Variants in VAMP8 observed in about 807,000 individuals in gnomAD.
The protein encoded by VAMP8 is vesicle-associated membrane protein 8.
A neutral mutation model predicts 11.4 loss-of-function variants in VAMP8; 9 were observed. The observed-to-expected ratio is 0.79, with a 90% CI of 0.48 to 1.38. The LOEUF is 1.38. Among genes scored for constraint, VAMP8 ranks in the 40% most tolerant of loss-of-function variants. The probability of loss-of-function intolerance (pLI) is 0.00; values close to 1 mark genes in which losing one functional copy is unlikely to be tolerated. For missense variants in VAMP8, 108 were observed against 127.8 expected (o/e 0.85, Z 0.75); for synonymous variants, 42 against 44.7 (o/e 0.94, Z 0.24).
rs1244242271 is a variant in VAMP8, at chr2:85,579,145, A to G, written c.140A>G (p.Lys47Arg). ...RGENLEHLRNKTEDLEATSEH... is the reference protein window; with the variant it reads ...RGENLEHLRNRTEDLEATSEH... ...GAAAACTTGGAACATCTCCGCAACA[A>G]GACAGAGGATCTGGAAGCCACAGTG... Residue 47 changes from lysine to arginine, a missense_variant, in exon 2 of 3, where the codon AAG becomes AGG. Lys to Arg is a conservative substitution (Grantham distance 26). Coordinates refer to ENST00000263864, the MANE Select transcript of VAMP8 (RefSeq NM_003761.5). 4 of 1,602,254 alleles carry G rather than the reference A, an allele frequency of 2.5e-6. No homozygotes were observed. Among genetic ancestry groups the G allele is most frequent in the African/African-American group, 1.3e-5 (1 of 74,754 alleles).
Position 85,581,785 on chromosome 2 carries a change from G to T in VAMP8, c.*69G>T, listed in dbSNP as rs1248355940. ...CCCTCCATAAATGTGTGCCAAGAGG[G>T]TCTCCTTTCCTGTCTTCCTCTACAG... On this transcript the variant is annotated 3_prime_UTR_variant, in exon 3 of 3. Transcript: ENST00000263864. 3 of 1,593,252 alleles carry T rather than the reference G, an allele frequency of 1.9e-6. No homozygotes were observed. The highest frequency in any genetic ancestry group is 2.3e-5 in the South Asian group (2 of 88,494).
intron 1 of VAMP8, among the ~76,000 whole-genome samples, chr2:85,578,366 T>TA (rs575266181): frequency 3.2e-4 from 49 of 152,286 alleles, no homozygotes; most frequent in African/African-American, 1.1e-3. Flanking sequence ...AATATCTGCA[T>TA]AAGCAGGCGG....
At position 85,581,710 on chromosome 2, in the gene VAMP8, C is replaced by T; in HGVS notation, c.297C>T (p.Phe99=). 6.2e-7 allele frequency: 1 copy of T among 1,614,158 alleles called. No homozygotes were observed. Among genetic ancestry groups the T allele is most frequent in the Middle Eastern group, 1.6e-4 (1 of 6,062 alleles). Reference sequence around the variant, plus strand: ...TTGTGCTCTTTGCCACTGGTGCCTTCTCTTAAGTAACAGGGAACCTCTCCC... The same window carrying T: ...TTGTGCTCTTTGCCACTGGTGCCTTTTCTTAAGTAACAGGGAACCTCTCCC... ...LFIVLFATGA[F]S is the part of the protein sequence containing the mutation. Residue 99 remains phenylalanine, a synonymous_variant, in exon 3 of 3, where the codon TTC becomes TTT. Coordinates refer to ENST00000263864, the MANE Select transcript of VAMP8 (RefSeq NM_003761.5).
intron 1 of VAMP8, among the ~76,000 whole-genome samples, chr2:85,577,879 G>C (rs1281746725): frequency 2.0e-5 from 3 of 152,144 alleles, no homozygotes; most frequent in African/African-American, 4.8e-5. Flanking sequence ...TGCTGGTGGG[G>C]AGCTGGGCTT....
chr2:85,580,219 TG>T (rs1672346903), intron 2 of VAMP8, among the ~76,000 whole-genome samples: 1 of 152,172 alleles, frequency 6.6e-6, no homozygotes, highest in African/African-American at 2.4e-5. Context: ...CTCAAAGTGC[TG>T]GGATTACAGA....
Position 85,581,623 on chromosome 2 carries a change from G to C in VAMP8, c.210G>C (p.Trp70Cys), listed in dbSNP as rs143955435. ...TTSQKVARKFWWKNVKMIVLI... is the reference protein window; with the variant it reads ...TTSQKVARKFCWKNVKMIVLI... ...CGCAGAAGGTGGCTCGAAAATTCTG[G>C]TGGAAGAACGTGAAGATGATTGTCC... Residue 70 changes from tryptophan to cysteine, a missense_variant, in exon 3 of 3, where the codon TGG (tryptophan) becomes TGC (cysteine). Physicochemically the swap from Trp to Cys is radical, Grantham distance 215. Coordinates refer to ENST00000263864, the MANE Select transcript of VAMP8 (RefSeq NM_003761.5). The C allele has an allele frequency of 8.6e-4, 1,386 of 1,614,054 alleles. 3 individuals carry two copies. Among genetic ancestry groups the C allele is most frequent in the Admixed American group, 1.2e-3 (72 of 60,002 alleles).
At chr2:85,580,508 C>T (rs763524807) in intron 2 of VAMP8, among the ~76,000 whole-genome samples, 6 of 151,834 alleles carry the variant, frequency 4.0e-5, no homozygotes, top group Non-Finnish European at 8.8e-5. Context: ...AAGCAGGTGT[C>T]GAGGACCCCT....
At position 85,581,885 on chromosome 2, in the gene VAMP8, G is replaced by A; in HGVS notation, c.*169G>A. On this transcript the variant is annotated 3_prime_UTR_variant, in exon 3 of 3. Transcript: ENST00000263864. ...GTTGTATGCCCCAGAAGGTACCTTG[G>A]TCCCCCGGAAGGAGAGAAAAAAGAG... 2 of 900,526 alleles carry A rather than the reference G, an allele frequency of 2.2e-6. No individual in the cohort carries two copies. The highest frequency in any genetic ancestry group is 3.4e-6 in the Non-Finnish European group (2 of 594,478). 55.8% of individuals were successfully genotyped at this position (900,526 alleles called of 1,614,324 possible).
intron 2 of VAMP8, 29 bp downstream of exon 2, chr2:85,579,196 A>T (rs1383633331): frequency 6.5e-7 from 1 of 1,543,160 alleles, no homozygotes; most frequent in Non-Finnish European, 8.8e-7. Context: ...TGGGGGCTGG[A>T]GGAAAACAGG....
At chr2:85,581,217 C>T (rs556678488) in intron 2 of VAMP8, among the ~76,000 whole-genome samples, 55 of 152,102 alleles carry the variant, frequency 3.6e-4, no homozygotes, top group African/African-American at 1.3e-3. Flanking sequence ...TGGTGGCTTA[C>T]GCCTGTAATC....
intron 1 of VAMP8, among the ~76,000 whole-genome samples, chr2:85,578,131 G>A (rs1475518110): frequency 1.3e-5 from 2 of 152,182 alleles, no homozygotes; most frequent in Non-Finnish European, 2.9e-5. Flanking sequence ...CATTAACATG[G>A]AGAAGAGAAC....
At chr2:85,580,928 C>T (rs1266820501) in intron 2 of VAMP8, among the ~76,000 whole-genome samples, 1 of 151,802 alleles carries the variant, frequency 6.6e-6, no homozygotes, top group Non-Finnish European at 1.5e-5. Context: ...CTCGGCCTCC[C>T]AAAGTGCTGG....
intron 1 of VAMP8, among the ~76,000 whole-genome samples, chr2:85,578,287 G>A (rs111259581): frequency 2.0e-5 from 3 of 152,186 alleles, no homozygotes; most frequent in East Asian, 3.9e-4. Context: ...TGAAGCCTCC[G>A]AGATGAGACA....
Position 85,577,710 on chromosome 2 carries a change from C to A in VAMP8, c.3+61C>A. ...AAGAGGAGCCAGAGGGGGCTTGGGACTGGGGGTTGGCTGTGTCGGGGGAGG... is the reference window on the plus strand; with the variant it reads ...AAGAGGAGCCAGAGGGGGCTTGGGAATGGGGGTTGGCTGTGTCGGGGGAGG... On this transcript the variant is annotated intron_variant, in intron 1 of 2. Coordinates refer to ENST00000263864, the MANE Select transcript of VAMP8 (RefSeq NM_003761.5). The A allele has an allele frequency of 6.5e-6, 10 of 1,549,144 alleles. No homozygotes were observed. In the South Asian group the frequency reaches 1.1e-4, roughly 17 times the overall value.
At chr2:85,578,455 G>C (rs981269298) in intron 1 of VAMP8, among the ~76,000 whole-genome samples, 1 of 152,212 alleles carries the variant, frequency 6.6e-6, no homozygotes, top group Non-Finnish European at 1.5e-5. Flanking sequence ...CGCCTTCTGG[G>C]ATACTTGGTT....
rs1009518011 is a variant in VAMP8, at chr2:85,579,033, A to G, written c.28A>G (p.Asn10Asp). MEEASEGGG[N>D]DRVRNLQSEV... is the part of the protein sequence containing the mutation. The stretch of plus-strand genomic sequence containing the variant: ...GGAGGAAGCCAGTGAAGGTGGAGGA[A>G]ATGATCGTGTGCGGAACCTGCAAAG... Residue 10 changes from asparagine (N) to aspartate (D), a missense_variant, in exon 2 of 3, where the codon AAT (asparagine) becomes GAT (aspartate). Transcript: ENST00000263864. 1.2e-6 allele frequency: 2 copies of G among 1,606,896 alleles called. No individual in the cohort carries two copies. The highest frequency in any genetic ancestry group is 1.7e-4 in the Middle Eastern group (1 of 6,056).
At chr2:85,579,612 T>C in intron 2 of VAMP8, 1 of 1,416,954 alleles carries the variant, frequency 7.1e-7, no homozygotes, top group South Asian at 1.5e-5. Flanking sequence ...GCTGGCGTCT[T>C]GCTGAGTAGG....
rs895973683 is a variant in VAMP8, at chr2:85,579,687, G to C, written c.162+520G>C. 12 of 1,536,096 alleles carry C rather than the reference G, an allele frequency of 7.8e-6. No individual in the cohort carries two copies. In the Admixed American group the frequency reaches 2.3e-4, roughly 29 times the overall value. ...TCCCAGGGTCCCCTGCTAGATGAAG[G>C]CTAAAATAATATCTCCCACACATCT... On this transcript the variant is annotated intron_variant, in intron 2 of 2. Transcript: ENST00000263864.
intron 2 of VAMP8, among the ~76,000 whole-genome samples, chr2:85,581,337 G>A (rs1672374424): frequency 1.3e-5 from 2 of 152,084 alleles, no homozygotes. Flanking sequence ...AAAGTTAGCT[G>A]GGCGTGGTGG....
Sources: gnomAD v4.1 joint callset for allele counts (sites outside exome capture counted in the v4.1 genomes callset) on GRCh38, gnomAD v4.1.1 for gene constraint, MANE v1.5 for transcripts, NCBI Gene and HGNC (gene_info 2026-07-23, HGNC 2026-07-21) for gene names.